Variants in TRIP10 observed in about 807,000 individuals in gnomAD.
The protein encoded by TRIP10 is cdc42-interacting protein 4.
TRIP10 carries 54 observed loss-of-function variants against 80.9 expected under a neutral mutation model. The ratio of observed to expected loss-of-function variants is 0.67; its 90% CI spans 0.54 to 0.84. TRIP10 has a LOEUF of 0.84. Among genes scored for constraint, TRIP10 ranks in the 40% least tolerant of loss-of-function variants. The pLI, the probability that TRIP10 is intolerant of heterozygous loss-of-function variation, is 0.00. For synonymous variants in TRIP10, 321 were observed against 307.2 expected (o/e 1.04, Z -0.47); for missense variants, 773 against 815.3 (o/e 0.95, Z 0.63).
chr19:6,748,576 C>T (rs963455529), intron 11 of TRIP10: 15 of 152,244 alleles, frequency 9.9e-5, no homozygotes, highest in African/African-American at 3.6e-4. Context: ...AGGCAGATGG[C>T]TTGAGACCGA....
At position 6,746,295 on chromosome 19, in the gene TRIP10, T is replaced by C; in HGVS notation, c.1152+99T>C. ...CGCTTCCTGCCGCTGGCTGGGCCCC[T>C]CTTCCCTGGTTGCCCAACCCAGACC... On this transcript the variant is annotated intron_variant, in intron 10 of 14. Transcript: ENST00000313244. This position sits in a 1 kb window ranked among gnomAD's most constrained non-coding sequence, Gnocchi z 6.2. The C allele has an allele frequency of 6.7e-7, 1 of 1,488,904 alleles. No individual in the cohort carries two copies. The highest frequency in any genetic ancestry group is 9.0e-7 in the Non-Finnish European group (1 of 1,112,628). 92.2% of individuals were successfully genotyped at this position (1,488,904 alleles called of 1,614,324 possible).
rs1244547203 is a variant in TRIP10 at position 6,744,328 on chromosome 19, C to G, written c.643-226C>G. 1.3e-5 allele frequency among the ~76,000 whole-genome samples: 2 copies of G among 152,162 alleles called. No homozygotes were observed. The highest frequency in any genetic ancestry group is 1.9e-4 in the East Asian group (1 of 5,192). ...TTCCCTTGTCTCCTCCTTTGAGAAG[C>G]CTTTGCTGACCCCCTAGGCACGCGT... On this transcript the variant is annotated intron_variant, in intron 7 of 14. Transcript: ENST00000313244. This position sits in a 1 kb window ranked among gnomAD's most constrained non-coding sequence, Gnocchi z 4.9.
Position 6,745,757 on chromosome 19 carries a change from G to C in TRIP10, c.985-272G>C, listed in dbSNP as rs970720928. ...AGATACCGGGGGAGTGAGAGTTCTGGCTTTCGGGCTTACAGTTCAACATCC... is the reference window on the plus strand; with the variant it reads ...AGATACCGGGGGAGTGAGAGTTCTGCCTTTCGGGCTTACAGTTCAACATCC... On this transcript the variant is annotated intron_variant, in intron 9 of 14. Transcript: ENST00000313244. This position sits in a 1 kb window ranked among gnomAD's most constrained non-coding sequence, Gnocchi z 7.2. 6.1e-6 allele frequency: 6 copies of C among 984,964 alleles called. No individual in the cohort carries two copies. The African/African-American group carries it at 1.1e-4, about 17-fold the overall frequency. The allele number at this position is 984,964 out of a possible 1,614,324, so 61.0% of individuals were successfully genotyped here.
rs772546289 is a variant in TRIP10 at position 6,750,006 on chromosome 19, C to G, written c.1335C>G (p.Pro445=). Residue 445 remains proline (P), a synonymous_variant, in exon 12 of 15, where the codon CCC becomes CCG. Transcript: ENST00000313244. ...TGGGGGACCCCGCCAGCTTGGAGCC[C>G]CAGATCGCTGAAACCCTGAGCAACA... ...PQMGDPASLE[P]QIAETLSNIE... is the part of the protein sequence containing the mutation. The G allele has an allele frequency of 6.2e-7, 1 of 1,613,754 alleles. No homozygotes were observed. The highest frequency in any genetic ancestry group is 1.7e-5 in the Admixed American group (1 of 59,984).
intron 3 of TRIP10, among the ~76,000 whole-genome samples, chr19:6,741,972 C>G (rs1599557881): frequency 6.6e-6 from 1 of 152,140 alleles, no homozygotes; most frequent in South Asian, 2.1e-4. Context: ...CACCTGCCAC[C>G]ATGCCCAGCT....
rs1437782115 is a variant in TRIP10 at position 6,739,701 on chromosome 19, C to A, written c.-61C>A. 5.6e-6 allele frequency: 6 copies of A among 1,071,718 alleles called. No individual in the cohort carries two copies. The East Asian group carries it at 1.6e-4, about 29-fold the overall frequency. The allele number at this position is 1,071,718 out of a possible 1,614,324, so 66.4% of individuals were successfully genotyped here. ...GGCTGAGTCTCCCCGGGGAGGGCGG[C>A]GGGCGGCGGGCGGCGGGGACCGGGT... On this transcript the variant is annotated 5_prime_UTR_variant, in exon 1 of 15. Transcript: ENST00000313244.
At position 6,746,301 on chromosome 19, in the gene TRIP10, C is replaced by G; in HGVS notation, c.1152+105C>G. ...CTGCCGCTGGCTGGGCCCCTCTTCC[C>G]TGGTTGCCCAACCCAGACCTGCTTT... On this transcript the variant is annotated intron_variant, in intron 10 of 14. Coordinates refer to ENST00000313244, the MANE Select transcript of TRIP10 (RefSeq NM_001288962.2). This position sits in a 1 kb window ranked among gnomAD's most constrained non-coding sequence, Gnocchi z 6.2. The G allele has an allele frequency of 6.7e-7, 1 of 1,491,278 alleles. No homozygotes were observed. Among genetic ancestry groups the G allele is most frequent in the South Asian group, 1.3e-5 (1 of 75,088 alleles). The allele number at this position is 1,491,278 out of a possible 1,614,324, so 92.4% of individuals were successfully genotyped here.
At position 6,751,462 on chromosome 19, in the gene TRIP10, A is replaced by C. The variant is rs976560947; in HGVS notation, c.*251A>C. 87 of 921,062 alleles carry C rather than the reference A, an allele frequency of 9.4e-5. No homozygotes were observed. In the Middle Eastern group the frequency reaches 1.5e-3, roughly 16 times the overall value. The allele number at this position is 921,062 out of a possible 1,614,324, so 57.1% of individuals were successfully genotyped here. A position where few individuals can be genotyped will look rare whatever the true frequency, so the allele number is the denominator to read the frequency against. ...TTCTTTCTGCCGCTCGGCTCCGGCC[A>C]TTTTGTTTTATACAAAAATGGGAAA... On this transcript the variant is annotated 3_prime_UTR_variant, in exon 15 of 15. Coordinates refer to ENST00000313244, the MANE Select transcript of TRIP10 (RefSeq NM_001288962.2).
chr19:6,743,647 G>A (rs1221277282), intron 6 of TRIP10, 49 bp downstream of exon 6: 5 of 1,611,306 alleles, frequency 3.1e-6, no homozygotes, highest in African/African-American at 2.7e-5. Flanking sequence ...GGACAAGCTT[G>A]GGGAGTCCGA....
At position 6,745,555 on chromosome 19, in the gene TRIP10, G is replaced by C. The variant is rs1969091831; in HGVS notation, c.985-474G>C. The C allele has an allele frequency of 3.0e-6, 3 of 985,058 alleles. No homozygotes were observed. The highest frequency in any genetic ancestry group is 3.6e-6 in the Non-Finnish European group (3 of 829,886). The allele number at this position is 985,058 out of a possible 1,614,324, so 61.0% of individuals were successfully genotyped here. A position where few individuals can be genotyped will look rare whatever the true frequency, so the allele number is the denominator to read the frequency against. On this transcript the variant is annotated intron_variant, in intron 9 of 14. Transcript: ENST00000313244. The surrounding 1 kb of genome is among the most constrained non-coding windows in gnomAD (Gnocchi z 7.2). ...GCCTTCCACTCCCTCTCGGCTTGTG[G>C]TTTTATTTTTGTTTATTTATTTTTG...
chr19:6,743,913 C>A (rs1335583250), intron 7 of TRIP10, 77 bp downstream of exon 7: 11 of 1,559,808 alleles, frequency 7.1e-6, no homozygotes, highest in Non-Finnish European at 9.6e-6. Flanking sequence ...TTCATCAAAA[C>A]CCCAGCTGCA....
At chr19:6,741,389 T>C (rs755208256) in intron 3 of TRIP10, 108 bp downstream of exon 3, 474 of 1,280,708 alleles carry the variant, frequency 3.7e-4, no homozygotes, top group Non-Finnish European at 4.0e-4. Flanking sequence ...TCACTTCCCC[T>C]TCTAGAGGTG....
Position 6,750,444 on chromosome 19 carries a change from G to A in TRIP10, c.1535+13G>A, listed in dbSNP as rs202211717. On this transcript the variant is annotated intron_variant, in intron 13 of 14. Coordinates refer to ENST00000313244, the MANE Select transcript of TRIP10 (RefSeq NM_001288962.2). The stretch of plus-strand genomic sequence containing the variant: ...ACACCAAGGAGAGGTGAGGGGTGAC[G>A]TCAGAGTGGGTCTGTTCCCAGGGTC... 3.4e-4 allele frequency: 553 copies of A among 1,613,874 alleles called. 1 individual carries two copies. The highest frequency in any genetic ancestry group is 3.1e-4 in the Non-Finnish European group (362 of 1,179,908).
In TRIP10 at chr19:6,750,062, A is replaced by C; in HGVS notation, c.1391A>C (p.Tyr464Ser). Residue 464 changes from tyrosine to serine, a missense_variant, in exon 12 of 15, where the codon TAT (tyrosine) becomes TCT (serine). Physicochemically the swap from Tyr to Ser is moderately radical, Grantham distance 144. Transcript: ENST00000313244. ...IERLKLEVQK[Y>S]EAWLAEAESR... ...CGGCTGAAATTGGAAGTGCAGAAGT[A>C]TGAGGTCAGGAAAGACCCTGGGGAG... 7.1e-7 allele frequency: 1 copy of C among 1,406,316 alleles called. No homozygotes were observed. The highest frequency in any genetic ancestry group is 9.5e-7 in the Non-Finnish European group (1 of 1,051,874). The allele number at this position is 1,406,316 out of a possible 1,614,324, so 87.1% of individuals were successfully genotyped here.
Position 6,745,046 on chromosome 19 carries a change from A to G in TRIP10, c.984+52A>G. On this transcript the variant is annotated intron_variant, in intron 9 of 14. Coordinates refer to ENST00000313244, the MANE Select transcript of TRIP10 (RefSeq NM_001288962.2). The surrounding 1 kb of genome is among the most constrained non-coding windows in gnomAD (Gnocchi z 7.2). ...GGGGGAGAAGGACAGTGAAGTGGGG[A>G]CAGTGGGGCCCCTATTGAGTCAGCC... 6.3e-7 allele frequency: 1 copy of G among 1,577,526 alleles called. No individual in the cohort carries two copies. The highest frequency in any genetic ancestry group is 1.2e-5 in the South Asian group (1 of 86,422).
rs2145544421 is a variant in TRIP10 at position 6,745,755 on chromosome 19, T to TGGCTTTC, written c.985-271_985-265dup. 1 of 985,348 alleles carries TGGCTTTC rather than the reference T, an allele frequency of 1.0e-6. No individual in the cohort carries two copies. The highest frequency in any genetic ancestry group is 1.2e-6 in the Non-Finnish European group (1 of 829,914). The allele number at this position is 985,348 out of a possible 1,614,324, so 61.0% of individuals were successfully genotyped here. A position where few individuals can be genotyped will look rare whatever the true frequency, so the allele number is the denominator to read the frequency against. Reference sequence around the variant, plus strand: ...GGAGATACCGGGGGAGTGAGAGTTCTGGCTTTCGGGCTTACAGTTCAACAT... The same window carrying TGGCTTTC: ...GGAGATACCGGGGGAGTGAGAGTTCTGGCTTTCGGCTTTCGGGCTTACAGTTCAACAT... On this transcript the variant is annotated intron_variant, in intron 9 of 14. Transcript: ENST00000313244. The surrounding 1 kb of genome is among the most constrained non-coding windows in gnomAD (Gnocchi z 7.2).
Position 6,740,067 on chromosome 19 carries a change from G to A in TRIP10, c.24+282G>A, listed in dbSNP as rs371813777. ...GGGCCAGGCCGGGGCGGCTGAGAGA[G>A]GTCACCTATTTTGGGCGCCCTGGCC... On this transcript the variant is annotated intron_variant, in intron 1 of 14. Transcript: ENST00000313244. Among the ~76,000 whole-genome samples the A allele has an allele frequency of 5.9e-5, 9 of 152,236 alleles. No individual in the cohort carries two copies. In the East Asian group the frequency reaches 1.5e-3, roughly 26 times the overall value.
chr19:6,746,116 C>T lies in TRIP10; in HGVS notation c.1072C>T (p.Pro358Ser), dbSNP rs905924600. The T allele has an allele frequency of 2.6e-6, 4 of 1,547,596 alleles. No individual in the cohort carries two copies. Among genetic ancestry groups the T allele is most frequent in the Non-Finnish European group, 8.7e-7 (1 of 1,145,864 alleles). Residue 358 changes from proline to serine, a missense_variant, in exon 10 of 15, where the codon CCC becomes TCC. Physicochemically the swap from Pro to Ser is moderately conservative, Grantham distance 74. Transcript: ENST00000313244. This position sits in a 1 kb window ranked among gnomAD's most constrained non-coding sequence, Gnocchi z 6.2. ...CCCGTCCCCCCGCTCCGGCCGTGAC[C>T]CCTTGGCCATACTGAGCGAGATCAG... ...GPPSPRSGRD[P>S]LAILSEISKS...
chr19:6,745,317 C>T lies in TRIP10; in HGVS notation c.984+323C>T, dbSNP rs770723061. 157 of 369,510 alleles carry T rather than the reference C, an allele frequency of 4.2e-4. No homozygotes were observed. Among genetic ancestry groups the T allele is most frequent in the Non-Finnish European group, 6.7e-4 (138 of 206,936 alleles). The allele number at this position is 369,510 out of a possible 1,614,324, so 22.9% of individuals were successfully genotyped here. On this transcript the variant is annotated intron_variant, in intron 9 of 14. Coordinates refer to ENST00000313244, the MANE Select transcript of TRIP10 (RefSeq NM_001288962.2). The surrounding 1 kb of genome is among the most constrained non-coding windows in gnomAD (Gnocchi z 7.2). Reference sequence around the variant, plus strand: ...CCATCCCTGGGGACTCCCCGAGTTTCTCTCTCCATCCTGCTGATGGGACTC... The same window carrying T: ...CCATCCCTGGGGACTCCCCGAGTTTTTCTCTCCATCCTGCTGATGGGACTC...
Sources: gnomAD v4.1 joint callset for allele counts (sites outside exome capture counted in the v4.1 genomes callset) on GRCh38, gnomAD v4.1.1 for gene constraint, Gnocchi (gnomAD v3.1) non-coding constraint, MANE v1.5 for transcripts, NCBI Gene and HGNC (gene_info 2026-07-23, HGNC 2026-07-21) for gene names.